Variants in JAZF1 observed in about 807,000 individuals in gnomAD.
The protein encoded by JAZF1 is JAZF zinc finger 1, also known as juxtaposed with another zinc finger protein 1.
A neutral mutation model predicts 26.4 loss-of-function variants in JAZF1; 8 were observed. That is an observed-to-expected ratio of 0.30 (90% CI 0.18 to 0.55). The LOEUF (loss-of-function observed/expected upper bound fraction) is 0.55. Among genes scored for constraint, JAZF1 ranks in the 20% least tolerant of loss-of-function variants. JAZF1 has a pLI of 0.94. For synonymous variants in JAZF1, 126 were observed against 122.3 expected (o/e 1.03, Z -0.20); for missense variants, 199 against 322.0 (o/e 0.62, Z 2.92).
At chr7:27,922,674 G>GT (rs11411348) in intron 2 of JAZF1, among the ~76,000 whole-genome samples, 42,074 of 150,952 alleles carry the variant, frequency 0.28, 6,571 homozygotes, top group Middle Eastern at 0.37. Context: ...TTAATAATGG[G>GT]TTTTTTTTTG....
intron 1 of JAZF1, among the ~76,000 whole-genome samples, chr7:28,003,829 A>C (rs895496654): frequency 2.6e-5 from 4 of 152,140 alleles, no homozygotes; most frequent in African/African-American, 9.7e-5. Context: ...CCTTGACTCA[A>C]ATATAAATTT....
At chr7:28,135,073 G>C (rs191039437) in intron 1 of JAZF1, among the ~76,000 whole-genome samples, 3 of 152,324 alleles carry the variant, frequency 2.0e-5, no homozygotes, top group African/African-American at 7.2e-5. Context: ...GGTGATTGTA[G>C]GGAAGCTATA....
intron 1 of JAZF1, among the ~76,000 whole-genome samples, chr7:28,020,145 C>A (rs1479315424): frequency 6.6e-6 from 1 of 152,102 alleles, no homozygotes; most frequent in African/African-American, 2.4e-5. Flanking sequence ...GCTGTTCTTA[C>A]CAGAGATACC....
At chr7:27,966,658 A>T (rs1785280595) in intron 2 of JAZF1, among the ~76,000 whole-genome samples, 1 of 152,202 alleles carries the variant, frequency 6.6e-6, no homozygotes, top group African/African-American at 2.4e-5. Context: ...GTTTGCAGCA[A>T]TCGTTACTGG....
intron 3 of JAZF1, among the ~76,000 whole-genome samples, chr7:27,855,188 A>G (rs1783223514): frequency 6.6e-6 from 1 of 152,090 alleles, no homozygotes; most frequent in Non-Finnish European, 1.5e-5. Context: ...GAACAAAGAC[A>G]CACAATGTAT....
chr7:28,056,118 G>T (rs1278306815), intron 1 of JAZF1, among the ~76,000 whole-genome samples: 1 of 151,852 alleles, frequency 6.6e-6, no homozygotes, highest in African/African-American at 2.4e-5. Context: ...ACAGTGCAGG[G>T]GCTCCATAAA....
At chr7:28,160,487 A>G (rs1783267828) in intron 1 of JAZF1, among the ~76,000 whole-genome samples, 1 of 152,140 alleles carries the variant, frequency 6.6e-6, no homozygotes, top group Non-Finnish European at 1.5e-5. Context: ...ACGGTAGGCG[A>G]GGCTTGTTTT....
At chr7:27,914,760 T>A (rs924154681) in intron 2 of JAZF1, 1 of 471,194 alleles carries the variant, frequency 2.1e-6, no homozygotes, top group Non-Finnish European at 4.4e-6. Context: ...CCTCTCAGGA[T>A]GCTACAGTAG....
At chr7:28,030,035 C>T (rs1415135463) in intron 1 of JAZF1, among the ~76,000 whole-genome samples, 1 of 152,170 alleles carries the variant, frequency 6.6e-6, no homozygotes, top group Non-Finnish European at 1.5e-5. Context: ...AGTGTCAGAG[C>T]AGGTGAGCTG....
At chr7:28,114,535 C>A (rs1784712046) in intron 1 of JAZF1, among the ~76,000 whole-genome samples, 1 of 151,588 alleles carries the variant, frequency 6.6e-6, no homozygotes, top group Non-Finnish European at 1.5e-5. Flanking sequence ...CAAACAGAAG[C>A]ATCATCAAGG....
intron 2 of JAZF1, among the ~76,000 whole-genome samples, chr7:27,906,439 GA>G (rs1284924285): frequency 6.6e-6 from 1 of 152,190 alleles, no homozygotes; most frequent in Non-Finnish European, 1.5e-5. Flanking sequence ...CTGAGCCATT[GA>G]AATAACAAAA....
rs118031954 is a variant in JAZF1 at position 28,113,335 on chromosome 7, C to T, written c.115+67128G>A. Among the ~76,000 whole-genome samples the T allele has an allele frequency of 3.8e-3, 585 of 152,264 alleles. 6 individuals carry two copies. In the Middle Eastern group the frequency reaches 0.044, roughly 12 times the overall value. ...ATGGCAAAGCCAGTTCTCCAACCCA[C>T]GTGTCCCGACTCCTTTACCCAGCTG... On this transcript the variant is annotated intron_variant, in intron 1 of 4. Coordinates refer to ENST00000283928, the MANE Select transcript of JAZF1 (RefSeq NM_175061.4).
chr7:27,962,604 C>A (rs1785204026), intron 2 of JAZF1, among the ~76,000 whole-genome samples: 1 of 152,170 alleles, frequency 6.6e-6, no homozygotes, highest in Non-Finnish European at 1.5e-5. Context: ...ATATTGAATG[C>A]AGAACTAACA....
At chr7:28,014,764 G>A (rs528743861) in intron 1 of JAZF1, among the ~76,000 whole-genome samples, 5 of 152,194 alleles carry the variant, frequency 3.3e-5, no homozygotes, top group African/African-American at 9.7e-5. Context: ...GTTAGAGAAC[G>A]GAATGTCTCT....
At chr7:27,844,572 G>C (rs1224629412) in intron 3 of JAZF1, 4 of 152,174 alleles carry the variant, frequency 2.6e-5, no homozygotes, top group African/African-American at 9.7e-5. Flanking sequence ...GACTATGAAT[G>C]TGTGTGAATA....
intron 3 of JAZF1, 168 bp from the exon 4 acceptor site, chr7:27,841,035 C>T (rs908937700): frequency 1.6e-6 from 1 of 627,352 alleles, no homozygotes; most frequent in African/African-American, 1.8e-5. Context: ...TCCCTTACAA[C>T]CCTGGAAGCA....
chr7:27,849,773 A>ACACACACACACACACACC (rs1187295731), intron 3 of JAZF1, among the ~76,000 whole-genome samples: 2 of 114,054 alleles, frequency 1.8e-5, no homozygotes, highest in African/African-American at 5.5e-5. Flanking sequence ...ACACACACAC[A>ACACACACACACACACACC]CCCCTACACC....
At chr7:27,980,867 C>A (rs1785570040) in intron 2 of JAZF1, among the ~76,000 whole-genome samples, 1 of 152,144 alleles carries the variant, frequency 6.6e-6, no homozygotes, top group African/African-American at 2.4e-5. Context: ...ATACTGCATG[C>A]TTCCTTTCTC....
At chr7:28,062,321 G>A (rs1344255677) in intron 1 of JAZF1, among the ~76,000 whole-genome samples, 1 of 152,044 alleles carries the variant, frequency 6.6e-6, no homozygotes, top group Non-Finnish European at 1.5e-5. Context: ...GTCAGTAGAG[G>A]GCGCCGCAGG....
Sources: allele counts gnomAD v4.1 joint callset (sites outside exome capture counted in the v4.1 genomes callset), GRCh38; gene constraint gnomAD v4.1.1; transcripts MANE v1.5; gene names NCBI Gene and HGNC (gene_info 2026-07-23, HGNC 2026-07-21).